Variants in CDH26 observed in about 807,000 individuals in gnomAD.
CDH26 encodes cadherin-like protein 26.
In CDH26, 83 loss-of-function variants were observed where a neutral mutation model predicts 90.3. That is an observed-to-expected ratio of 0.92 (90% CI 0.77 to 1.10). The LOEUF (loss-of-function observed/expected upper bound fraction) is 1.10. Among genes scored for constraint, CDH26 ranks in the 50% least tolerant of loss-of-function variants. The pLI, the probability that CDH26 is intolerant of heterozygous loss-of-function variation, is 0.00. For missense variants in CDH26, 1,013 were observed against 1,037.6 expected, an observed-to-expected ratio of 0.98 and a Z score of 0.33; for synonymous variants, 397 against 396.3, an observed-to-expected ratio of 1.00 and a Z score of -0.02.
chr20:60,003,754 A>C (rs1308867232), intron 16 of CDH26, among the ~76,000 whole-genome samples: 1 of 152,234 alleles, frequency 6.6e-6, no homozygotes, highest in Non-Finnish European at 1.5e-5. Flanking sequence ...CAAATACTCT[A>C]GCTGAAGTAT....
rs2146008139 is a variant in CDH26, at chr20:60,002,874, T to C, written c.2220+8T>C. On this transcript the variant is annotated splice_region_variant and intron_variant, in intron 16 of 17. Coordinates refer to ENST00000348616, the MANE Select transcript of CDH26 (RefSeq NM_177980.4). The stretch of plus-strand genomic sequence containing the variant: ...AACATACACTCTACTCCTGTAAGTA[T>C]AGATGTAGGTGTTACCGTGAACAAA... 1 of 1,573,808 alleles carries C rather than the reference T, an allele frequency of 6.4e-7. No individual in the cohort carries two copies.
At chr20:59,989,796 A>C (rs931767109) in intron 9 of CDH26, among the ~76,000 whole-genome samples, 4 of 152,136 alleles carry the variant, frequency 2.6e-5, no homozygotes, top group African/African-American at 9.7e-5. Context: ...CCCCCTCTGT[A>C]CCAGAAGTTA....
chr20:59,984,963 T>TATTTGAGGG, intron 6 of CDH26, 38 bp from the exon 7 acceptor site: 4 of 1,603,016 alleles, frequency 2.5e-6, no homozygotes, highest in Non-Finnish European at 3.4e-6. Context: ...TCCTTTCCTG[T>TATTTGAGGG]ATTTGAGGGG....
At chr20:60,008,259 T>G (rs2061780933) in intron 17 of CDH26, among the ~76,000 whole-genome samples, 1 of 152,196 alleles carries the variant, frequency 6.6e-6, no homozygotes, top group African/African-American at 2.4e-5. Flanking sequence ...GTAGACTCTG[T>G]TCTGAGGACT....
intron 9 of CDH26, among the ~76,000 whole-genome samples, chr20:59,989,507 C>T (rs2061501569): frequency 6.7e-6 from 1 of 148,714 alleles, no homozygotes; most frequent in Non-Finnish European, 1.5e-5. Flanking sequence ...CGCAGTCCGG[C>T]CTGGGCGACA....
intron 17 of CDH26, among the ~76,000 whole-genome samples, chr20:60,011,382 C>T (rs940475631): frequency 4.6e-5 from 7 of 152,212 alleles, no homozygotes; most frequent in African/African-American, 1.7e-4. Context: ...TAGCTTTTGG[C>T]TTTACAATCA....
At chr20:59,964,858 C>T (rs902123607) in intron 1 of CDH26, among the ~76,000 whole-genome samples, 1 of 152,174 alleles carries the variant, frequency 6.6e-6, no homozygotes, top group African/African-American at 2.4e-5. Context: ...CTCATACCCT[C>T]AATTTACAGA....
At chr20:59,996,845 G>T in intron 13 of CDH26, 84 bp downstream of exon 13, 1 of 1,551,586 alleles carries the variant, frequency 6.4e-7, no homozygotes, top group Non-Finnish European at 8.8e-7. Context: ...CCCCCATTGT[G>T]CCACCTCTTA....
intron 1 of CDH26, among the ~76,000 whole-genome samples, chr20:59,967,893 C>CT (rs2061183817): frequency 8.0e-6 from 1 of 125,714 alleles, no homozygotes; most frequent in Non-Finnish European, 1.6e-5. Flanking sequence ...TCCTTCCTTC[C>CT]TTCCTTCCTT....
At chr20:60,005,707 A>G (rs1342656114) in intron 16 of CDH26, among the ~76,000 whole-genome samples, 1 of 152,184 alleles carries the variant, frequency 6.6e-6, no homozygotes. Flanking sequence ...TTGGCTTGCC[A>G]TTGCACCTGG....
intron 16 of CDH26, among the ~76,000 whole-genome samples, chr20:60,006,063 C>T (rs1255384940): frequency 2.0e-5 from 3 of 152,174 alleles, no homozygotes; most frequent in Non-Finnish European, 4.4e-5. Context: ...TTAAACCTTC[C>T]CTTGGTGATC....
At chr20:60,012,443 G>T in intron 17 of CDH26, 84 bp from the exon 18 acceptor site, 2 of 1,299,616 alleles carry the variant, frequency 1.5e-6, no homozygotes, top group Middle Eastern at 2.6e-4. Context: ...CTGCATTGAT[G>T]TGTTCCTCGA....
At chr20:59,983,460 T>C (rs968184238) in intron 5 of CDH26, among the ~76,000 whole-genome samples, 1 of 152,180 alleles carries the variant, frequency 6.6e-6, no homozygotes, top group African/African-American at 2.4e-5. Context: ...CCCAACCGAC[T>C]CTTACTAGAA....
rs575882546 is a variant in CDH26 at position 59,958,699 on chromosome 20, G to T, written c.-28G>T. On this transcript the variant is annotated 5_prime_UTR_variant, in exon 1 of 18. Transcript: ENST00000348616. ...TTGGAGGACTGGTCATCAGCTGCAC[G>T]TTCTGGGTCTGTCTTGGGTATTCCC... The T allele has an allele frequency of 6.2e-6, 10 of 1,612,604 alleles. No homozygotes were observed. The highest frequency in any genetic ancestry group is 4.0e-5 in the African/African-American group (3 of 74,896).
intron 4 of CDH26, among the ~76,000 whole-genome samples, chr20:59,972,895 A>G (rs2061281256): frequency 1.3e-5 from 2 of 152,192 alleles, no homozygotes; most frequent in Non-Finnish European, 2.9e-5. Flanking sequence ...ATACACAATA[A>G]AAGATATACC....
At chr20:60,017,663 T>A (rs2061916934), downstream of CDH26, among the ~76,000 whole-genome samples, 1 of 152,052 alleles carries the variant, frequency 6.6e-6, no homozygotes, top group Non-Finnish European at 1.5e-5. Context: ...TTTCATTTCT[T>A]CTTGAATTTC....
At chr20:59,978,669 C>T (rs368755414) in intron 4 of CDH26, among the ~76,000 whole-genome samples, 3 of 152,016 alleles carry the variant, frequency 2.0e-5, no homozygotes, top group Non-Finnish European at 2.9e-5. Context: ...CCACCACGCC[C>T]GATCTTATAT....
chr20:60,010,936 C>T (rs930445934), intron 17 of CDH26, among the ~76,000 whole-genome samples: 21 of 152,112 alleles, frequency 1.4e-4, no homozygotes, highest in African/African-American at 4.6e-4. Context: ...AGAACAGAGG[C>T]TCTTGGGGAG....
chr20:60,021,411 A>G (rs1014750079), intron 7 of CDH26, among the ~76,000 whole-genome samples: 13 of 152,200 alleles, frequency 8.5e-5, no homozygotes, highest in African/African-American at 3.1e-4. Context: ...CACAGCCCAC[A>G]AAGCCTTCAT....
Sources: allele counts gnomAD v4.1 joint callset (sites outside exome capture counted in the v4.1 genomes callset), GRCh38; gene constraint gnomAD v4.1.1; transcripts MANE v1.5; gene names NCBI Gene and HGNC (gene_info 2026-07-23, HGNC 2026-07-21).